The following KIAA0825 variants were observed in gnomAD, a reference collection of about 807,000 sequenced individuals.
KIAA0825 encodes the protein KIAA0825, also known as uncharacterized protein KIAA0825.
Under a neutral mutation model 147.6 loss-of-function variants are expected in KIAA0825, and 119 were observed. The observed-to-expected ratio is 0.81, with a 90% confidence interval of 0.69 to 0.94. The LOEUF (loss-of-function observed/expected upper bound fraction) is 0.94. Ranked by LOEUF, KIAA0825 falls within the 40% of genes least tolerant of loss-of-function variation. The probability of loss-of-function intolerance (pLI) is 0.00; values close to 1 mark genes in which losing one functional copy is unlikely to be tolerated. For missense variants in KIAA0825, 1,381 were observed against 1,472.7 expected, an observed-to-expected ratio of 0.94 and a Z score of 1.02; for synonymous variants, 470 against 518.1, an observed-to-expected ratio of 0.91 and a Z score of 1.26.
At chr5:94,298,379 G>C (rs1261487461) in intron 20 of KIAA0825, among the ~76,000 whole-genome samples, 1 of 152,112 alleles carries the variant, frequency 6.6e-6, no homozygotes, top group African/African-American at 2.4e-5. Flanking sequence ...TTCTTCCATA[G>C]TTTAGCTATG....
intron 13 of KIAA0825, among the ~76,000 whole-genome samples, chr5:94,446,243 T>C (rs536417423): frequency 6.6e-5 from 10 of 152,220 alleles, no homozygotes; most frequent in Non-Finnish European, 1.3e-4. Flanking sequence ...TTAACTTGTA[T>C]ATGCTAAACC....
At chr5:94,254,306 T>C (rs1337296798) in intron 20 of KIAA0825, among the ~76,000 whole-genome samples, 1 of 152,188 alleles carries the variant, frequency 6.6e-6, no homozygotes, top group African/African-American at 2.4e-5. Context: ...GCTCAGTTGG[T>C]TAGCAGATAG....
At chr5:94,205,267 T>TCA (rs1232890064) in intron 20 of KIAA0825, among the ~76,000 whole-genome samples, 5 of 50,804 alleles carry the variant, frequency 9.8e-5, no homozygotes, top group Non-Finnish European at 1.7e-4. Context: ...GACTATTTAA[T>TCA]CATATATATA....
At position 94,462,399 on chromosome 5, in the gene KIAA0825, G is replaced by T. The variant is rs1365098482; in HGVS notation, c.2234C>A (p.Thr745Lys). 7.0e-7 allele frequency: 1 copy of T among 1,422,774 alleles called. No homozygotes were observed. Among genetic ancestry groups the T allele is most frequent in the Admixed American group, 2.2e-5 (1 of 45,400 alleles). 88.1% of individuals were successfully genotyped at this position (1,422,774 alleles called of 1,614,324 possible). A position where few individuals can be genotyped will look rare whatever the true frequency, so the allele number is the denominator to read the frequency against. ...TTLVILTSPLTELYKTFQHGL... is the reference protein window; with the variant it reads ...TTLVILTSPLKELYKTFQHGL... ...ATTTGATACTTACTTATATAATTCTGTTAATGGTGAAGTCAAAATGACTAA... is the reference window on the plus strand; with the variant it reads ...ATTTGATACTTACTTATATAATTCTTTTAATGGTGAAGTCAAAATGACTAA... Residue 745 changes from threonine (T) to lysine (K), a missense_variant, in exon 12 of 21, where the codon ACA (threonine) becomes AAA (lysine). Transcript: ENST00000682413.
chr5:94,168,510 A>T (rs1219954494), intron 20 of KIAA0825, among the ~76,000 whole-genome samples: 1 of 152,222 alleles, frequency 6.6e-6, no homozygotes, highest in African/African-American at 2.4e-5. Flanking sequence ...TAACAGTAAC[A>T]TTTTAAATAG....
intron 14 of KIAA0825, among the ~76,000 whole-genome samples, chr5:94,432,041 A>G (rs183145924): frequency 6.6e-6 from 1 of 152,378 alleles, no homozygotes; most frequent in East Asian, 1.9e-4. Flanking sequence ...ATGCTTGCTG[A>G]CCACTGTGAA....
At chr5:94,239,234 T>C (rs1441128780) in intron 20 of KIAA0825, among the ~76,000 whole-genome samples, 1 of 152,182 alleles carries the variant, frequency 6.6e-6, no homozygotes, top group Non-Finnish European at 1.5e-5. Flanking sequence ...GTAACCCCGC[T>C]TCATCGGGGC....
At chr5:94,348,587 G>C (rs1001953798) in intron 20 of KIAA0825, among the ~76,000 whole-genome samples, 1 of 151,876 alleles carries the variant, frequency 6.6e-6, no homozygotes, top group African/African-American at 2.4e-5. Context: ...CTAGCACATA[G>C]GACTCACAGA....
intron 20 of KIAA0825, among the ~76,000 whole-genome samples, chr5:94,314,118 G>T (rs1302404922): frequency 6.6e-6 from 1 of 151,558 alleles, no homozygotes; most frequent in African/African-American, 2.4e-5. Context: ...GAAGAAAAAA[G>T]AAGGATCTAT....
Position 94,152,843 on chromosome 5 carries a change from AAAAAAAAAAAAATTATATATAT to A in KIAA0825, c.*1142_*1163del, listed in dbSNP as rs1562283948. ...AATGAAAAAAAAAAAAAAAAAAAAA[AAAAAAAAAAAAATTATATATAT>A]ATATATATATATATATATATATATA... On this transcript the variant is annotated 3_prime_UTR_variant, in exon 21 of 21. Coordinates refer to ENST00000682413, the MANE Select transcript of KIAA0825 (RefSeq NM_001145678.3). 9.8e-4 allele frequency: 35 copies of A among 35,676 alleles called. No individual in the cohort carries two copies. The highest frequency in any genetic ancestry group is 2.5e-3 in the African/African-American group (25 of 9,914). The allele number at this position is 35,676 out of a possible 1,614,324, so 2.2% of individuals were successfully genotyped here.
At position 94,403,646 on chromosome 5, in the gene KIAA0825, G is replaced by C; in HGVS notation, c.2810C>G (p.Pro937Arg). Residue 937 changes from proline to arginine, a missense_variant, in exon 16 of 21, where the codon CCT becomes CGT. Pro to Arg is a moderately radical substitution (Grantham distance 103). Transcript: ENST00000682413. ...TGGCATGCTCTCAAGCAAACAATCA[G>C]GAACAATGTGCTTGTTTAGGTTTGT... ...CETNLNKHIVPDCLLESMPKE... is the reference protein window; with the variant it reads ...CETNLNKHIVRDCLLESMPKE... The C allele has an allele frequency of 1.3e-6, 2 of 1,551,560 alleles. No individual in the cohort carries two copies. Among genetic ancestry groups the C allele is most frequent in the Non-Finnish European group, 1.7e-6 (2 of 1,146,898 alleles).
intron 5 of KIAA0825, among the ~76,000 whole-genome samples, chr5:94,499,009 C>A (rs1000564155): frequency 6.6e-6 from 1 of 152,140 alleles, no homozygotes; most frequent in Non-Finnish European, 1.5e-5. Flanking sequence ...GTGGGTTCAT[C>A]TTTTTCTTTT....
intron 13 of KIAA0825, among the ~76,000 whole-genome samples, chr5:94,449,337 A>G (rs1338386028): frequency 6.6e-6 from 1 of 152,142 alleles, no homozygotes; most frequent in African/African-American, 2.4e-5. Flanking sequence ...TATAATGAAA[A>G]CAGTCTTTTA....
intron 2 of KIAA0825, among the ~76,000 whole-genome samples, chr5:94,557,778 C>T (rs989066022): frequency 6.6e-6 from 1 of 152,222 alleles, no homozygotes; most frequent in Non-Finnish European, 1.5e-5. Flanking sequence ...GCAATGGCTA[C>T]CCTCTTTGGG....
chr5:94,559,785 T>TTGGA (rs1777224873), intron 2 of KIAA0825, among the ~76,000 whole-genome samples: 5 of 152,170 alleles, frequency 3.3e-5, no homozygotes, highest in Non-Finnish European at 7.4e-5. Flanking sequence ...TACCAGACAA[T>TTGGA]TCCACATCAC....
intron 20 of KIAA0825, among the ~76,000 whole-genome samples, chr5:94,256,622 A>G (rs1776267384): frequency 6.6e-6 from 1 of 152,078 alleles, no homozygotes; most frequent in Non-Finnish European, 1.5e-5. Context: ...TTCGTGTTTG[A>G]TATTATTTGA....
chr5:94,602,119 G>T (rs902208189), intron 1 of KIAA0825, among the ~76,000 whole-genome samples: 4 of 152,122 alleles, frequency 2.6e-5, no homozygotes, highest in Non-Finnish European at 5.9e-5. Context: ...GGAGGCCAAG[G>T]CAGGCGGATC....
intron 20 of KIAA0825, among the ~76,000 whole-genome samples, chr5:94,301,404 A>C (rs901289243): frequency 1.3e-5 from 2 of 151,206 alleles, no homozygotes; most frequent in Non-Finnish European, 2.9e-5. Context: ...ATATATAAAA[A>C]ATATATACTT....
At chr5:94,158,214 G>T (rs879908827) in intron 20 of KIAA0825, among the ~76,000 whole-genome samples, 3 of 152,022 alleles carry the variant, frequency 2.0e-5, no homozygotes, top group Non-Finnish European at 4.4e-5. Flanking sequence ...CCCCTTATTT[G>T]TTTATGTACT....
Sources: gnomAD v4.1 joint callset for allele counts (sites outside exome capture counted in the v4.1 genomes callset) on GRCh38, gnomAD v4.1.1 for gene constraint, MANE v1.5 for transcripts, NCBI Gene and HGNC (gene_info 2026-07-23, HGNC 2026-07-21) for gene names.